GHR: variants seen among roughly 807,000 people sequenced by gnomAD.
The protein encoded by GHR is growth hormone receptor.
GHR carries 35 observed loss-of-function variants against 67.1 expected under a neutral mutation model. That is an observed-to-expected ratio of 0.52 (90% CI 0.40 to 0.69). The LOEUF is 0.69. GHR is among the 30% of genes least tolerant of loss of function. The pLI, the probability that GHR is intolerant of heterozygous loss-of-function variation, is 0.00. For synonymous variants in GHR, 272 were observed against 269.1 expected, an observed-to-expected ratio of 1.01 and a Z score of -0.10; for missense variants, 792 against 764.6, an observed-to-expected ratio of 1.04 and a Z score of -0.42.
intron 1 of GHR, among the ~76,000 whole-genome samples, chr5:42,523,646 C>T (rs1747571495): frequency 6.6e-6 from 1 of 152,036 alleles, no homozygotes; most frequent in African/African-American, 2.4e-5. Context: ...CTCTGGCTTC[C>T]CTATTCCCTG....
chr5:42,531,478 CTTT>C (rs68103582), intron 1 of GHR, among the ~76,000 whole-genome samples: 2 of 146,744 alleles, frequency 1.4e-5, no homozygotes, highest in Non-Finnish European at 3.0e-5. Context: ...TGACCATAGA[CTTT>C]TTTTTTTTTA....
intron 1 of GHR, among the ~76,000 whole-genome samples, chr5:42,534,125 T>C (rs1047587882): frequency 7.3e-6 from 1 of 137,356 alleles, no homozygotes; most frequent in Non-Finnish European, 1.5e-5. Context: ...TATGTATGTA[T>C]ATATATGTAC....
intron 1 of GHR, among the ~76,000 whole-genome samples, chr5:42,534,198 G>T (rs929264051): frequency 2.9e-5 from 4 of 136,378 alleles, no homozygotes; most frequent in African/African-American, 5.9e-5. Flanking sequence ...ATGTACATGT[G>T]TATATATGTA....
At position 42,689,291 on chromosome 5, in the gene GHR, A is replaced by T. The variant is rs557455417; in HGVS notation, c.266+272A>T. On this transcript the variant is annotated intron_variant, in intron 4 of 9. Coordinates refer to ENST00000230882, the MANE Select transcript of GHR (RefSeq NM_000163.5). ...CAATGCAGGGAGACAGGCAATAAAA[A>T]TTGAATTAAATGTCAGCTAGTAATA... Among the ~76,000 whole-genome samples the T allele has an allele frequency of 3.9e-5, 6 of 152,340 alleles. No homozygotes were observed. In the South Asian group the frequency reaches 1.2e-3, roughly 32 times the overall value.
intron 1 of GHR, among the ~76,000 whole-genome samples, chr5:42,427,051 T>C (rs1742884001): frequency 6.6e-6 from 1 of 152,218 alleles, no homozygotes; most frequent in African/African-American, 2.4e-5. Context: ...TCTAGTCTCT[T>C]TTCCCTGTGT....
intron 1 of GHR, among the ~76,000 whole-genome samples, chr5:42,459,284 T>G (rs1744387465): frequency 6.6e-6 from 1 of 152,080 alleles, no homozygotes. Context: ...AATAGTAGAC[T>G]GGATAAAGAA....
intron 6 of GHR, among the ~76,000 whole-genome samples, chr5:42,704,850 G>A (rs917586723): frequency 6.6e-6 from 1 of 151,764 alleles, no homozygotes; most frequent in Admixed American, 6.6e-5. Context: ...TATGGTATTG[G>A]TTGTAATGTC....
chr5:42,698,402 C>T (rs895504451), intron 5 of GHR, among the ~76,000 whole-genome samples: 2 of 152,186 alleles, frequency 1.3e-5, no homozygotes, highest in Non-Finnish European at 2.9e-5. Context: ...AACGGTTAAG[C>T]TTTGATTATC....
chr5:42,548,104 C>T, intron 1 of GHR: 1 of 985,386 alleles, frequency 1.0e-6, no homozygotes, highest in South Asian at 4.7e-5. Flanking sequence ...CCAGCCTAGG[C>T]CTGGCCTTCA....
intron 2 of GHR, among the ~76,000 whole-genome samples, chr5:42,611,553 A>G (rs1752891164): frequency 6.6e-6 from 1 of 152,170 alleles, no homozygotes; most frequent in Non-Finnish European, 1.5e-5. Context: ...AGGGGACAAA[A>G]CGCACATGGT....
chr5:42,468,506 GGGACCA>G (rs1163327878), intron 1 of GHR: 2 of 785,932 alleles, frequency 2.5e-6, no homozygotes, highest in African/African-American at 3.5e-5. Context: ...AGGAGGCTGG[GGGACCA>G]GGACCTCAGC....
At chr5:42,458,214 C>T (rs892148188) in intron 1 of GHR, among the ~76,000 whole-genome samples, 4 of 151,866 alleles carry the variant, frequency 2.6e-5, no homozygotes, top group Admixed American at 6.6e-5. Context: ...TGATTTCATT[C>T]TCTCACTTCA....
At chr5:42,434,640 T>C (rs897409007) in intron 1 of GHR, among the ~76,000 whole-genome samples, 1 of 152,234 alleles carries the variant, frequency 6.6e-6, no homozygotes, top group African/African-American at 2.4e-5. Context: ...CCTATTAACA[T>C]GGGCTATAAC....
At chr5:42,698,735 A>T (rs996863788) in intron 5 of GHR, among the ~76,000 whole-genome samples, 4 of 152,108 alleles carry the variant, frequency 2.6e-5, no homozygotes, top group African/African-American at 9.7e-5. Context: ...AGGGATGCAC[A>T]CTCTGCAACA....
chr5:42,471,025 A>C (rs1744989856), intron 1 of GHR, among the ~76,000 whole-genome samples: 1 of 152,210 alleles, frequency 6.6e-6, no homozygotes, highest in Non-Finnish European at 1.5e-5. Flanking sequence ...GTGAGAGTAC[A>C]AGTCACTATT....
Position 42,522,335 on chromosome 5 carries a change from G to A in GHR, c.-11-43529G>A, listed in dbSNP as rs866042882. On this transcript the variant is annotated intron_variant, in intron 1 of 9. Transcript: ENST00000230882. ...GTATGTACCAGAAGAAATGGCTTTGGCATTTTCTGTTTTTAGCAGTCTGTT... is the reference window on the plus strand; with the variant it reads ...GTATGTACCAGAAGAAATGGCTTTGACATTTTCTGTTTTTAGCAGTCTGTT... Among the ~76,000 whole-genome samples the A allele has an allele frequency of 2.6e-5, 4 of 152,028 alleles. No individual in the cohort carries two copies. The South Asian group carries it at 6.2e-4, about 24-fold the overall frequency.
At chr5:42,641,541 G>C (rs963944668) in intron 3 of GHR, among the ~76,000 whole-genome samples, 1 of 152,054 alleles carries the variant, frequency 6.6e-6, no homozygotes, top group Non-Finnish European at 1.5e-5. Flanking sequence ...CTGGCTGGGC[G>C]AACTAGATCT....
At chr5:42,468,388 A>G in intron 1 of GHR, 1 of 1,244,456 alleles carries the variant, frequency 8.0e-7, no homozygotes, top group Non-Finnish European at 1.1e-6. Flanking sequence ...AACCCCATCT[A>G]AGCTTTATGT....
At chr5:42,648,686 C>G (rs531089876) in intron 3 of GHR, among the ~76,000 whole-genome samples, 12 of 150,772 alleles carry the variant, frequency 8.0e-5, no homozygotes, top group Admixed American at 2.0e-4. Context: ...AGTACTACTA[C>G]TAGTACTAGT....
Sources: allele counts gnomAD v4.1 joint callset (sites outside exome capture counted in the v4.1 genomes callset), GRCh38; gene constraint gnomAD v4.1.1; transcripts MANE v1.5; gene names NCBI Gene and HGNC (gene_info 2026-07-23, HGNC 2026-07-21).